The following REEP5 variants were observed in gnomAD, a reference collection of about 807,000 sequenced individuals.
REEP5 encodes receptor accessory protein 5.
REEP5 carries 24 observed loss-of-function variants against 22.4 expected under a neutral mutation model. The observed-to-expected ratio is 1.07, with a 90% CI of 0.78 to 1.51. The LOEUF (loss-of-function observed/expected upper bound fraction) is 1.51. Ranked by LOEUF, REEP5 falls within the 40% of genes most tolerant of loss-of-function variation. The probability of loss-of-function intolerance (pLI) is 0.00; values close to 1 mark genes in which losing one functional copy is unlikely to be tolerated. For synonymous variants in REEP5, 103 were observed against 88.6 expected (o/e 1.16, Z -0.92); for missense variants, 252 against 233.0 (o/e 1.08, Z -0.53).
chr5:112,921,372 T>C, intron 1 of REEP5, 116 bp from the exon 2 acceptor site: 1 of 960,040 alleles, frequency 1.0e-6, no homozygotes, highest in Non-Finnish European at 1.6e-6. Context: ...TCGACTCGAT[T>C]AAAGGAGCGA....
intron 3 of REEP5, among the ~76,000 whole-genome samples, chr5:112,902,007 G>A (rs980172338): frequency 1.4e-5 from 2 of 147,774 alleles, no homozygotes; most frequent in Admixed American, 6.7e-5. Flanking sequence ...AAGACAAAAA[G>A]AATTATATAT....
At chr5:112,886,976 T>G in intron 4 of REEP5, 39 bp downstream of exon 4, 1 of 1,468,800 alleles carries the variant, frequency 6.8e-7, no homozygotes, top group Non-Finnish European at 9.3e-7. Flanking sequence ...GTGTCACATC[T>G]CCTCTCACAT....
chr5:112,914,770 G>T (rs1769195944), intron 2 of REEP5, among the ~76,000 whole-genome samples: 1 of 152,132 alleles, frequency 6.6e-6, no homozygotes, highest in African/African-American at 2.4e-5. Context: ...CCCTTAACTA[G>T]ATCACTTGGT....
chr5:112,895,368 G>A (rs978395809), intron 3 of REEP5: 3 of 151,766 alleles, frequency 2.0e-5, no homozygotes, highest in Admixed American at 6.6e-5. Flanking sequence ...TGAAGAAAGT[G>A]TACAATAGAA....
chr5:112,921,914 A>T, intron 1 of REEP5, 159 bp downstream of exon 1: 2 of 941,494 alleles, frequency 2.1e-6, no homozygotes, highest in Non-Finnish European at 2.9e-6. Context: ...TCCGATGCCC[A>T]CGCTTTCCGG....
intron 3 of REEP5, chr5:112,895,374 T>G (rs568727708): frequency 6.6e-6 from 1 of 151,898 alleles, no homozygotes; most frequent in Non-Finnish European, 1.5e-5. Context: ...AAGTGTACAA[T>G]AGAATAGTAG....
intron 4 of REEP5, among the ~76,000 whole-genome samples, chr5:112,880,675 T>C (rs927761323): frequency 6.6e-6 from 1 of 152,216 alleles, no homozygotes; most frequent in African/African-American, 2.4e-5. Context: ...TTGCCCCTAT[T>C]TAGGAATGTG....
chr5:112,921,586 C>G, intron 1 of REEP5: 1 of 370,954 alleles, frequency 2.7e-6, no homozygotes, highest in South Asian at 2.8e-5. Context: ...GCGCTCCAGC[C>G]TGGGAAGCTG....
intron 3 of REEP5, chr5:112,897,394 C>CAA: frequency 6.6e-6 from 1 of 150,512 alleles, no homozygotes; most frequent in Non-Finnish European, 1.5e-5. Flanking sequence ...CACACACACA[C>CAA]AAATGTAAAC....
intron 2 of REEP5, among the ~76,000 whole-genome samples, chr5:112,912,951 T>A (rs1769138784): frequency 6.6e-6 from 1 of 152,222 alleles, no homozygotes; most frequent in African/African-American, 2.4e-5. Context: ...TCTTTTTCAC[T>A]GCAGAGTATA....
At chr5:112,902,061 A>T (rs2150044108) in intron 3 of REEP5, among the ~76,000 whole-genome samples, 1 of 151,910 alleles carries the variant, frequency 6.6e-6, no homozygotes, top group African/African-American at 2.4e-5. Context: ...ACCATTTATG[A>T]TGGTGGTTGG....
At position 112,876,953 on chromosome 5, in the gene REEP5, A is replaced by C. The variant is rs1408391834; in HGVS notation, c.*1833T>G. Reference sequence around the variant, plus strand: ...CTGATAATATATTCTATATGCTGTCAATCTGATTATATAGTCTATATGCTA... The same window carrying C: ...CTGATAATATATTCTATATGCTGTCCATCTGATTATATAGTCTATATGCTA... On this transcript the variant is annotated 3_prime_UTR_variant, in exon 5 of 5. Transcript: ENST00000379638. 1 of 152,134 alleles carries C rather than the reference A, an allele frequency of 6.6e-6. No individual in the cohort carries two copies. Among genetic ancestry groups the C allele is most frequent in the East Asian group, 1.9e-4 (1 of 5,198 alleles). 9.4% of individuals were successfully genotyped at this position (152,134 alleles called of 1,614,324 possible).
chr5:112,891,796 G>A, intron 3 of REEP5: 1 of 1,608,750 alleles, frequency 6.2e-7, no homozygotes, highest in Non-Finnish European at 8.5e-7. Context: ...ACAGGAGGAG[G>A]AAGAGGACAC....
intron 4 of REEP5, among the ~76,000 whole-genome samples, chr5:112,884,863 T>C (rs934722647): frequency 2.0e-5 from 3 of 152,024 alleles, no homozygotes; most frequent in African/African-American, 7.2e-5. Flanking sequence ...TTACTGCCTA[T>C]CTCTCAACTA....
chr5:112,884,264 T>C (rs818430), intron 4 of REEP5, among the ~76,000 whole-genome samples: 85,408 of 152,000 alleles, frequency 0.56, 26,455 homozygotes, highest in African/African-American at 0.84. Flanking sequence ...CGCAACTTCT[T>C]CCACCTCATC....
At chr5:112,908,099 T>TC (rs1768997744) in intron 2 of REEP5, among the ~76,000 whole-genome samples, 1 of 137,132 alleles carries the variant, frequency 7.3e-6, no homozygotes, top group Admixed American at 7.5e-5. Flanking sequence ...TCTTTGTTTT[T>TC]TGTTTTTTTT....
chr5:112,894,818 T>G (rs1768628567), intron 3 of REEP5: 1 of 152,208 alleles, frequency 6.6e-6, no homozygotes, highest in African/African-American at 2.4e-5. Flanking sequence ...AAAATAAGCT[T>G]CTGCATAGAA....
chr5:112,881,287 A>G (rs1170696492), intron 4 of REEP5, among the ~76,000 whole-genome samples: 1 of 152,164 alleles, frequency 6.6e-6, no homozygotes, highest in African/African-American at 2.4e-5. Flanking sequence ...AATGGGGAAC[A>G]TACCACTTCT....
At chr5:112,897,014 C>T (rs188348684) in intron 3 of REEP5, 6 of 152,196 alleles carry the variant, frequency 3.9e-5, no homozygotes, top group Non-Finnish European at 7.4e-5. Flanking sequence ...TATGTATAAT[C>T]GCATGACAAA....
Sources: allele counts gnomAD v4.1 joint callset (sites outside exome capture counted in the v4.1 genomes callset), GRCh38; gene constraint gnomAD v4.1.1; transcripts MANE v1.5; gene names NCBI Gene and HGNC (gene_info 2026-07-23, HGNC 2026-07-21).